Variants in TTC12 observed in about 807,000 individuals in gnomAD.
TTC12 encodes tetratricopeptide repeat protein 12.
TTC12 carries 70 observed loss-of-function variants against 90.1 expected under a neutral mutation model. That is an observed-to-expected ratio of 0.78 (90% confidence interval 0.64 to 0.95). TTC12 has a LOEUF of 0.95. Among genes scored for constraint, TTC12 ranks in the 40% least tolerant of loss-of-function variants. The probability of loss-of-function intolerance (pLI) is 0.00; values close to 1 mark genes in which losing one functional copy is unlikely to be tolerated. For missense variants in TTC12, 819 were observed against 846.1 expected (o/e 0.97, Z 0.40); for synonymous variants, 296 against 311.5 (o/e 0.95, Z 0.53).
At chr11:113,333,418 A>AT (rs1399376446) in intron 7 of TTC12, among the ~76,000 whole-genome samples, 1 of 151,616 alleles carries the variant, frequency 6.6e-6, no homozygotes, top group Non-Finnish European at 1.5e-5. Context: ...TCTTCCATTG[A>AT]TTTTTTTCAG....
At chr11:113,351,744 A>G (rs1271340485) in intron 15 of TTC12, among the ~76,000 whole-genome samples, 3 of 152,132 alleles carry the variant, frequency 2.0e-5, no homozygotes, top group African/African-American at 7.2e-5. Context: ...GAACCTTAGA[A>G]GTTTCAGGGG....
At chr11:113,329,309 A>G (rs782267664) in intron 6 of TTC12, among the ~76,000 whole-genome samples, 1 of 152,164 alleles carries the variant, frequency 6.6e-6, no homozygotes, top group Non-Finnish European at 1.5e-5. Flanking sequence ...TTTTTCTGGA[A>G]CATTCACAGC....
chr11:113,329,500 G>T, intron 6 of TTC12: 1 of 434,524 alleles, frequency 2.3e-6, no homozygotes, highest in South Asian at 1.7e-5. Flanking sequence ...TGAGAAGGAA[G>T]GAGGAAAAGT....
intron 6 of TTC12, among the ~76,000 whole-genome samples, chr11:113,329,108 G>T (rs1350453038): frequency 6.6e-6 from 1 of 152,132 alleles, no homozygotes; most frequent in Admixed American, 6.5e-5. Flanking sequence ...GTAAGCATTT[G>T]TATGGATGTA....
At chr11:113,362,098 G>A (rs1450158331) in intron 18 of TTC12, among the ~76,000 whole-genome samples, 1 of 152,078 alleles carries the variant, frequency 6.6e-6, no homozygotes, top group Non-Finnish European at 1.5e-5. Context: ...CTTATAAAGG[G>A]CCTGCTGATA....
At chr11:113,343,853 A>G (rs1005134541) in intron 12 of TTC12, among the ~76,000 whole-genome samples, 4 of 152,230 alleles carry the variant, frequency 2.6e-5, no homozygotes, top group Non-Finnish European at 4.4e-5. Context: ...CGTTGTATGA[A>G]TATTGATGGC....
chr11:113,338,644 G>A (rs1948508044), intron 8 of TTC12, 130 bp from the exon 9 acceptor site: 4 of 618,046 alleles, frequency 6.5e-6, no homozygotes, highest in African/African-American at 3.7e-5. Flanking sequence ...TCCTATGCCT[G>A]TCTCCTGCAC....
At chr11:113,333,537 G>T (rs1948180357) in intron 7 of TTC12, among the ~76,000 whole-genome samples, 1 of 151,992 alleles carries the variant, frequency 6.6e-6, no homozygotes, top group South Asian at 2.1e-4. Flanking sequence ...TCAAATTCCA[G>T]CTCTTCCGCT....
chr11:113,359,148 T>G (rs1949779988), intron 16 of TTC12, among the ~76,000 whole-genome samples: 1 of 151,934 alleles, frequency 6.6e-6, no homozygotes, highest in South Asian at 2.1e-4. Context: ...ACCTCAGCCA[T>G]AGTCCCATGG....
intron 3 of TTC12, 101 bp from the exon 4 acceptor site, chr11:113,323,893 C>T (rs1947514125): frequency 3.3e-6 from 3 of 899,500 alleles, no homozygotes; most frequent in African/African-American, 1.7e-5. Flanking sequence ...AAGAAATGAC[C>T]TCTTGTTTGT....
chr11:113,323,551 T>C, intron 3 of TTC12, 100 bp downstream of exon 3: 1 of 722,316 alleles, frequency 1.4e-6, no homozygotes. Context: ...GCTGAAATGG[T>C]CTTTTGTTTC....
Position 113,335,049 on chromosome 11 carries a change from G to A in TTC12, c.576+12G>A. On this transcript the variant is annotated intron_variant, in intron 8 of 21. Transcript: ENST00000529221. The stretch of plus-strand genomic sequence containing the variant: ...AGAACTACAGTGTGGTAAGTTCTTA[G>A]AGGAATGTAATTGACATGTTTGATC... 1 of 1,598,688 alleles carries A rather than the reference G, an allele frequency of 6.3e-7. No homozygotes were observed. The highest frequency in any genetic ancestry group is 8.6e-7 in the Non-Finnish European group (1 of 1,166,062).
chr11:113,330,309 G>T (rs2137954247), intron 7 of TTC12, among the ~76,000 whole-genome samples: 1 of 152,334 alleles, frequency 6.6e-6, no homozygotes, highest in South Asian at 2.1e-4. Flanking sequence ...CCAGCCATTG[G>T]AGCTTATTTC....
rs1462466977 is a variant in TTC12, at chr11:113,335,045, C to T, written c.576+8C>T. The T allele has an allele frequency of 6.2e-7, 1 of 1,606,024 alleles. No homozygotes were observed. Among genetic ancestry groups the T allele is most frequent in the Non-Finnish European group, 8.5e-7 (1 of 1,172,754 alleles). ...CTGAAGAACTACAGTGTGGTAAGTTCTTAGAGGAATGTAATTGACATGTTT... is the reference window on the plus strand; with the variant it reads ...CTGAAGAACTACAGTGTGGTAAGTTTTTAGAGGAATGTAATTGACATGTTT... On this transcript the variant is annotated splice_region_variant and intron_variant, in intron 8 of 21. Transcript: ENST00000529221.
At chr11:113,334,382 A>G (rs1948229667) in intron 7 of TTC12, among the ~76,000 whole-genome samples, 1 of 152,058 alleles carries the variant, frequency 6.6e-6, no homozygotes, top group Non-Finnish European at 1.5e-5. Flanking sequence ...ATCCCTACTG[A>G]TCTTAAGTAA....
At chr11:113,323,180 A>C (rs781785976) in intron 2 of TTC12, 108 bp from the exon 3 acceptor site, 1 of 813,028 alleles carries the variant, frequency 1.2e-6, no homozygotes, top group Non-Finnish European at 1.7e-6. Flanking sequence ...CTATTGCTCT[A>C]TTTTTTTCTT....
chr11:113,372,235 A>G (rs1421406054), intron 21 of TTC12, among the ~76,000 whole-genome samples: 1 of 152,236 alleles, frequency 6.6e-6, no homozygotes. Context: ...TCTGCACTGT[A>G]TCATCAACAT....
chr11:113,350,302 G>T, intron 14 of TTC12, 137 bp downstream of exon 14: 1 of 658,300 alleles, frequency 1.5e-6, no homozygotes, highest in South Asian at 2.0e-5. Flanking sequence ...GAGTAGGAGG[G>T]CTGATGCCTC....
Position 113,364,058 on chromosome 11 carries a change from T to C in TTC12, c.1816+131T>C. On this transcript the variant is annotated intron_variant, in intron 20 of 21. Transcript: ENST00000529221. ...ACCTCTCCCAGACTTCAGCAATGTT[T>C]ACAGAAGATGTTTCACATCCAGATC... The C allele has an allele frequency of 8.1e-6, 5 of 619,804 alleles. No homozygotes were observed. The South Asian group carries it at 1.0e-4, about 13-fold the overall frequency. The allele number at this position is 619,804 out of a possible 1,614,324, so 38.4% of individuals were successfully genotyped here.
Sources: gnomAD v4.1 joint callset for allele counts (sites outside exome capture counted in the v4.1 genomes callset) on GRCh38, gnomAD v4.1.1 for gene constraint, MANE v1.5 for transcripts, NCBI Gene and HGNC (gene_info 2026-07-23, HGNC 2026-07-21) for gene names.